Variants in AFG2B observed in about 807,000 individuals in gnomAD.
The protein encoded by AFG2B is ATPase family gene 2 protein homolog B.
the AFG2B span, chr15:45,406,989 G>A: frequency 1.6e-6 from 2 of 1,276,122 alleles, no homozygotes; most frequent in Non-Finnish European, 2.0e-6. Context: ...GCAGGAGATG[G>A]GAAGGGAGAT....
the AFG2B span, chr15:45,402,367 C>A: frequency 6.4e-7 from 1 of 1,550,890 alleles, no homozygotes; most frequent in Non-Finnish European, 8.7e-7. Flanking sequence ...CTCGGTGTTC[C>A]GCTTTTTGTG....
the AFG2B span, among the ~76,000 whole-genome samples, chr15:45,408,722 C>A: frequency 1.3e-5 from 2 of 152,180 alleles, no homozygotes; most frequent in Admixed American, 1.3e-4. Context: ...ATATCCTGCT[C>A]CTCATCAAAC....
the AFG2B span, chr15:45,417,647 G>A: frequency 1.9e-5 from 7 of 363,800 alleles, no homozygotes; most frequent in South Asian, 9.1e-5. Flanking sequence ...TCTACTCAGC[G>A]TTATTTTGCA....
the AFG2B span, chr15:45,417,478 A>T: frequency 2.7e-6 from 4 of 1,485,008 alleles, no homozygotes; most frequent in Non-Finnish European, 3.7e-6. Flanking sequence ...ATGGTGTTCT[A>T]CTTACCCTGG....
the AFG2B span, chr15:45,403,294 G>T: frequency 1.9e-6 from 3 of 1,589,230 alleles, no homozygotes; most frequent in East Asian, 2.3e-5. Flanking sequence ...CTTCCAGCGC[G>T]CCCGGGAACT....
chr15:45,409,371 C>T, the AFG2B span, among the ~76,000 whole-genome samples: 7 of 133,536 alleles, frequency 5.2e-5, no homozygotes, highest in African/African-American at 2.0e-4. Flanking sequence ...AGTGAGACCC[C>T]GCCAAAAAAA....
the AFG2B span, among the ~76,000 whole-genome samples, chr15:45,411,065 G>T: frequency 6.6e-6 from 1 of 152,134 alleles, no homozygotes; most frequent in Non-Finnish European, 1.5e-5. Context: ...AGCTGGGCAT[G>T]CTGGCAGGTG....
At chr15:45,403,361 A>G in the AFG2B span, 1 of 1,610,070 alleles carries the variant, frequency 6.2e-7, no homozygotes, top group Admixed American at 1.7e-5. Flanking sequence ...TTGTGTCCCC[A>G]GCGGGGCAGT....
the AFG2B span, among the ~76,000 whole-genome samples, chr15:45,420,062 G>A: frequency 2.0e-5 from 3 of 149,048 alleles, no homozygotes; most frequent in Non-Finnish European, 4.4e-5. Context: ...ACAACAGTGG[G>A]GATTAGTTTT....
At chr15:45,415,862 C>T in the AFG2B span, 2 of 1,285,490 alleles carry the variant, frequency 1.6e-6, no homozygotes, top group Non-Finnish European at 2.2e-6. Context: ...AAATATAATG[C>T]ATATATGCTA....
At chr15:45,407,057 C>A in the AFG2B span, 2 of 1,289,186 alleles carry the variant, frequency 1.6e-6, no homozygotes, top group Non-Finnish European at 2.0e-6. Context: ...GCACCTCTCA[C>A]TTAGGTGGAC....
At chr15:45,415,514 AGGATT>A in the AFG2B span, 2 of 1,253,862 alleles carry the variant, frequency 1.6e-6, no homozygotes, top group Non-Finnish European at 2.2e-6. Flanking sequence ...AAAAAAAAAC[AGGATT>A]ATAAATAGTA....
the AFG2B span, among the ~76,000 whole-genome samples, chr15:45,406,865 T>C: frequency 1.3e-5 from 2 of 152,400 alleles, no homozygotes; most frequent in South Asian, 2.1e-4. Flanking sequence ...TGTGATCTTC[T>C]AGTTGATCTT....
At chr15:45,410,450 G>C in the AFG2B span, 67 of 1,613,650 alleles carry the variant, frequency 4.2e-5, no homozygotes, top group Non-Finnish European at 5.3e-5. Context: ...GTTTCGAAGC[G>C]TCATTGGATT....
chr15:45,416,016 GAA>G, the AFG2B span: 1 of 336,782 alleles, frequency 3.0e-6, no homozygotes, highest in Middle Eastern at 8.6e-4. Flanking sequence ...TTAAATATAA[GAA>G]TGTGAATTTT....
the AFG2B span, chr15:45,402,393 C>G: frequency 2.6e-6 from 4 of 1,558,750 alleles, no homozygotes; most frequent in African/African-American, 2.9e-5. Flanking sequence ...GGTGGGTTTC[C>G]TAATCTGGTT....
the AFG2B span, chr15:45,417,081 CTT>C: frequency 1.7e-6 from 1 of 587,924 alleles, no homozygotes; most frequent in African/African-American, 1.9e-5. Flanking sequence ...CAAAGTAGCT[CTT>C]TGGTTAATGA....
At chr15:45,411,329 T>C in the AFG2B span, among the ~76,000 whole-genome samples, 1 of 152,068 alleles carries the variant, frequency 6.6e-6, no homozygotes, top group Non-Finnish European at 1.5e-5. Flanking sequence ...TTAAAAAAAT[T>C]ATTTTGACAC....
At chr15:45,402,857 C>A in the AFG2B span, 5 of 1,598,588 alleles carry the variant, frequency 3.1e-6, no homozygotes, top group South Asian at 5.5e-5. Context: ...AGAAACCGAC[C>A]GATCTCCCTG....
Sources: gnomAD v4.1 joint callset for allele counts (sites outside exome capture counted in the v4.1 genomes callset) on GRCh38, gnomAD v4.1.1 for gene constraint, MANE v1.5 for transcripts, NCBI Gene and HGNC (gene_info 2026-07-23, HGNC 2026-07-21) for gene names.